Variants in SAV1 observed in about 807,000 individuals in gnomAD.
SAV1 encodes protein salvador homolog 1.
Under a neutral mutation model 47.3 loss-of-function variants are expected in SAV1, and 23 were observed. The observed-to-expected ratio is 0.49, with a 90% CI of 0.35 to 0.69. The LOEUF is 0.69. Among genes scored for constraint, SAV1 ranks in the 30% least tolerant of loss-of-function variants. The pLI is 0.01. For missense variants in SAV1, 448 were observed against 457.4 expected (o/e 0.98, Z 0.19); for synonymous variants, 155 against 159.2 (o/e 0.97, Z 0.20).
At chr14:50,640,719 TCAAA>T (rs762573616) in intron 4 of SAV1, 27 bp downstream of exon 4, 131 of 1,592,312 alleles carry the variant, frequency 8.2e-5, no homozygotes, top group Non-Finnish European at 1.1e-4. Context: ...CACTCACTCC[TCAAA>T]CAAATTTGTG....
chr14:50,646,632 C>G (rs968461121), intron 2 of SAV1, among the ~76,000 whole-genome samples: 4 of 144,112 alleles, frequency 2.8e-5, no homozygotes, highest in African/African-American at 1.0e-4. Flanking sequence ...TTGCAGTGAG[C>G]TGAGAACGCG....
At chr14:50,651,384 A>G (rs925855344) in intron 2 of SAV1, among the ~76,000 whole-genome samples, 12 of 152,256 alleles carry the variant, frequency 7.9e-5, no homozygotes, top group Admixed American at 5.2e-4. Flanking sequence ...CAGGGGGAGG[A>G]AGGAAATGGG....
chr14:50,653,179 C>T (rs965393753), intron 2 of SAV1, among the ~76,000 whole-genome samples: 1 of 152,018 alleles, frequency 6.6e-6, no homozygotes, highest in African/African-American at 2.4e-5. Flanking sequence ...CAATGAAATG[C>T]AATGCAGTAC....
At position 50,665,619 on chromosome 14, in the gene SAV1, T is replaced by A. The variant is rs2039896006; in HGVS notation, c.95A>T (p.Asn32Ile). ...VKKETSPLLR[N>I]LMPSFIRHGP... ...ATGCCGGATGAATGAAGGCATAAGA[T>A]CTACAATAAAACAAAGGATAAAATT... The change falls in exon 2 of 5, where the codon AAT (asparagine) becomes ATT (isoleucine). Residue 32 changes from asparagine (N) to isoleucine (I), a missense_variant and splice_region_variant. Transcript: ENST00000324679. 1 of 1,582,606 alleles carries A rather than the reference T, an allele frequency of 6.3e-7. No individual in the cohort carries two copies. Among genetic ancestry groups the A allele is most frequent in the Non-Finnish European group, 8.6e-7 (1 of 1,166,176 alleles).
Position 50,660,432 on chromosome 14 carries a change from T to C in SAV1, c.535+4747A>G, listed in dbSNP as rs372131943. Among the ~76,000 whole-genome samples the C allele has an allele frequency of 2.4e-4, 36 of 152,348 alleles. No homozygotes were observed. In the South Asian group the frequency reaches 7.0e-3, roughly 30 times the overall value. Reference sequence around the variant, plus strand: ...TATCTGCTGTCTCAGTGTTCTGCTCTATTCGGATAGCAGACAAGAGCCCAG... The same window carrying C: ...TATCTGCTGTCTCAGTGTTCTGCTCCATTCGGATAGCAGACAAGAGCCCAG... On this transcript the variant is annotated intron_variant, in intron 2 of 4. Transcript: ENST00000324679.
intron 4 of SAV1, among the ~76,000 whole-genome samples, chr14:50,638,862 G>C (rs1363895626): frequency 1.3e-5 from 2 of 152,158 alleles, no homozygotes; most frequent in African/African-American, 4.8e-5. Flanking sequence ...CCGCCTCCCG[G>C]GTTCAAATGA....
intron 2 of SAV1, among the ~76,000 whole-genome samples, chr14:50,656,430 C>A (rs963036653): frequency 6.8e-6 from 1 of 146,502 alleles, no homozygotes; most frequent in African/African-American, 2.5e-5. Flanking sequence ...TCAAAACATA[C>A]CCCAACTGTA....
intron 2 of SAV1, among the ~76,000 whole-genome samples, chr14:50,659,371 C>T (rs1407982503): frequency 6.6e-6 from 1 of 152,064 alleles, no homozygotes; most frequent in African/African-American, 2.4e-5. Context: ...ATTAAAAACA[C>T]CCTCAAGATT....
intron 2 of SAV1, among the ~76,000 whole-genome samples, chr14:50,645,435 A>G (rs945361453): frequency 6.6e-6 from 1 of 152,212 alleles, no homozygotes; most frequent in Non-Finnish European, 1.5e-5. Context: ...TTTATGCACA[A>G]AATTATTTAA....
intron 2 of SAV1, among the ~76,000 whole-genome samples, chr14:50,648,004 T>C (rs996034171): frequency 1.8e-4 from 28 of 152,252 alleles, no homozygotes; most frequent in African/African-American, 6.5e-4. Context: ...ATATTTACAA[T>C]GACTGTATTC....
intron 2 of SAV1, among the ~76,000 whole-genome samples, chr14:50,650,974 A>G (rs1298114926): frequency 6.6e-6 from 1 of 151,898 alleles, no homozygotes; most frequent in Admixed American, 6.6e-5. Context: ...GTGAGCCGAG[A>G]GCGCGCCACT....
chr14:50,653,927 T>C (rs1287165741), intron 2 of SAV1, among the ~76,000 whole-genome samples: 2 of 152,128 alleles, frequency 1.3e-5, no homozygotes, highest in African/African-American at 2.4e-5. Flanking sequence ...TGCAATAGCA[T>C]TATATCTTTA....
intron 4 of SAV1, among the ~76,000 whole-genome samples, chr14:50,637,468 A>G (rs17122712): frequency 0.01 from 1,581 of 152,290 alleles, 22 homozygotes; most frequent in African/African-American, 0.036. Flanking sequence ...CTACTAAGTC[A>G]AGATGGTTAC....
intron 2 of SAV1, among the ~76,000 whole-genome samples, chr14:50,652,682 G>C (rs558455868): frequency 6.6e-6 from 1 of 152,192 alleles, no homozygotes; most frequent in South Asian, 2.1e-4. Flanking sequence ...ACGGCTTCTG[G>C]GTCAGGGAAA....
intron 2 of SAV1, among the ~76,000 whole-genome samples, chr14:50,658,420 G>GT (rs1427015442): frequency 1.3e-5 from 2 of 152,270 alleles, no homozygotes; most frequent in East Asian, 3.9e-4. Flanking sequence ...CAGTAAGTGC[G>GT]TGACTGGTAT....
Position 50,660,526 on chromosome 14 carries a change from T to C in SAV1, c.535+4653A>G, listed in dbSNP as rs188095117. On this transcript the variant is annotated intron_variant, in intron 2 of 4. Transcript: ENST00000324679. ...TATTTGCACATGTTTATGGGGTACA[T>C]GTGATATTGTGATACATGCAAAGAG... Among the ~76,000 whole-genome samples, 19 of 152,340 alleles carry C rather than the reference T, an allele frequency of 1.2e-4. No individual in the cohort carries two copies. In the East Asian group the frequency reaches 3.7e-3, roughly 29 times the overall value.
intron 2 of SAV1, 83 bp from the exon 3 acceptor site, chr14:50,645,097 T>A: frequency 4.3e-6 from 5 of 1,170,354 alleles, no homozygotes; most frequent in Non-Finnish European, 6.0e-6. Context: ...AGTCACAACA[T>A]TAACTATCCT....
chr14:50,644,894 T>A lies in SAV1; in HGVS notation c.656A>T (p.Asp219Val). Residue 219 changes from aspartate (D) to valine (V), a missense_variant, in exon 3 of 5, where the codon GAT becomes GTT. Coordinates refer to ENST00000324679, the MANE Select transcript of SAV1 (RefSeq NM_021818.4). ...WTMRGRKYYI[D>V]HNTNTTHWSH... ...CCAGTGAGTTGTATTTGTGTTATGA[T>A]CTATATAATATTTTCTCCCTCTCAT... 1 of 1,614,110 alleles carries A rather than the reference T, an allele frequency of 6.2e-7. No homozygotes were observed. The highest frequency in any genetic ancestry group is 8.5e-7 in the Non-Finnish European group (1 of 1,180,016).
chr14:50,653,947 C>T (rs2039791592), intron 2 of SAV1, among the ~76,000 whole-genome samples: 1 of 151,538 alleles, frequency 6.6e-6, no homozygotes, highest in Non-Finnish European at 1.5e-5. Flanking sequence ...AAAAAAAGTA[C>T]AGGTCTTAAT....
Sources: allele counts gnomAD v4.1 joint callset (sites outside exome capture counted in the v4.1 genomes callset), GRCh38; gene constraint gnomAD v4.1.1; transcripts MANE v1.5; gene names NCBI Gene and HGNC (gene_info 2026-07-23, HGNC 2026-07-21).